Variants in CLIC5 observed in about 807,000 individuals in gnomAD.
CLIC5 encodes chloride intracellular channel protein 5.
CLIC5 carries 20 observed loss-of-function variants against 24.7 expected under a neutral mutation model. That is an observed-to-expected ratio of 0.81 (90% confidence interval 0.57 to 1.18). The LOEUF is 1.18. CLIC5 is among the 50% of genes most tolerant of loss of function. The pLI, the probability that CLIC5 is intolerant of heterozygous loss-of-function variation, is 0.00. For synonymous variants in CLIC5, 159 were observed against 135.6 expected (o/e 1.17, Z -1.20); for missense variants, 341 against 326.1 (o/e 1.05, Z -0.35).
At chr6:45,994,343 A>G (rs1766049762) in intron 1 of CLIC5, among the ~76,000 whole-genome samples, 1 of 152,220 alleles carries the variant, frequency 6.6e-6, no homozygotes, top group Non-Finnish European at 1.5e-5. Flanking sequence ...TTTTGCAGGG[A>G]CATGGATGAA....
chr6:45,955,129 C>T lies in CLIC5; in HGVS notation c.173+6G>A, dbSNP rs751653965. The T allele has an allele frequency of 2.3e-5, 37 of 1,598,760 alleles. No individual in the cohort carries two copies. Among genetic ancestry groups the T allele is most frequent in the Admixed American group, 3.3e-5 (2 of 59,838 alleles). ...ACATACTCCTCATTTATGCAACGTA[C>T]GTTACCTTTTCAGATCCACAGTGGT... On this transcript the variant is annotated splice_donor_region_variant and intron_variant, in intron 2 of 5. Coordinates refer to ENST00000339561, the MANE Select transcript of CLIC5 (RefSeq NM_016929.5).
intron 5 of CLIC5, among the ~76,000 whole-genome samples, chr6:45,903,735 T>C (rs1581712331): frequency 6.6e-6 from 1 of 152,344 alleles, no homozygotes; most frequent in African/African-American, 2.4e-5. Context: ...TCAAGTATAA[T>C]GCATTTGGAG....
chr6:46,099,565 A>G, the CLIC5 span, among the ~76,000 whole-genome samples: 1 of 152,146 alleles, frequency 6.6e-6, no homozygotes, highest in Non-Finnish European at 1.5e-5. Context: ...CCTGGTGGTG[A>G]GTTTGGGGAA....
downstream of CLIC5, among the ~76,000 whole-genome samples, chr6:45,896,217 A>G (rs369616500): frequency 1.1e-4 from 16 of 152,330 alleles, no homozygotes; most frequent in East Asian, 2.9e-3. Flanking sequence ...ATAGACGAAT[A>G]CCTGATGGCC....
intron 1 of CLIC5, among the ~76,000 whole-genome samples, chr6:45,976,088 A>G (rs1032182264): frequency 6.6e-6 from 1 of 152,204 alleles, no homozygotes; most frequent in Non-Finnish European, 1.5e-5. Context: ...AGTGACAGCA[A>G]GGGTCAAATG....
chr6:46,074,793 T>G (rs2127476581), intron 1 of CLIC5, among the ~76,000 whole-genome samples: 1 of 152,282 alleles, frequency 6.6e-6, no homozygotes, highest in South Asian at 2.1e-4. Flanking sequence ...TGACCAGGAG[T>G]TGGAGCCATA....
chr6:46,024,245 T>A (rs1274484487), intron 1 of CLIC5, among the ~76,000 whole-genome samples: 1 of 152,188 alleles, frequency 6.6e-6, no homozygotes, highest in Non-Finnish European at 1.5e-5. Context: ...CTTGGGGATC[T>A]ACCTTCCTCC....
chr6:45,894,912 G>A (rs898189170), downstream of CLIC5, among the ~76,000 whole-genome samples: 2 of 152,124 alleles, frequency 1.3e-5, no homozygotes, highest in Non-Finnish European at 1.5e-5. Context: ...AGTTGTTTTT[G>A]TCTGGTCCTA....
At chr6:46,051,814 T>C (rs1033156604) in intron 1 of CLIC5, among the ~76,000 whole-genome samples, 2 of 152,230 alleles carry the variant, frequency 1.3e-5, no homozygotes, top group African/African-American at 2.4e-5. Flanking sequence ...ATCACAGATA[T>C]GGAAATTGGG....
chr6:46,053,884 G>C (rs1768174452), intron 1 of CLIC5, among the ~76,000 whole-genome samples: 1 of 152,158 alleles, frequency 6.6e-6, no homozygotes, highest in African/African-American at 2.4e-5. Context: ...TACAACCTCT[G>C]AGAACTAGAT....
intron 4 of CLIC5, chr6:45,920,390 T>C (rs958944584): frequency 2.5e-5 from 17 of 671,644 alleles, no homozygotes; most frequent in Non-Finnish European, 3.1e-5. Context: ...TATCTAGATA[T>C]TGAGAAATAC....
the CLIC5 span, among the ~76,000 whole-genome samples, chr6:46,100,186 C>A: frequency 1.3e-5 from 2 of 152,158 alleles, no homozygotes; most frequent in African/African-American, 2.4e-5. Flanking sequence ...CGCCTTTGAC[C>A]TTTTACCTTG....
intron 3 of CLIC5, among the ~76,000 whole-genome samples, 195 bp downstream of exon 3, chr6:45,949,061 A>G (rs1471841773): frequency 6.6e-6 from 1 of 151,928 alleles, no homozygotes; most frequent in Non-Finnish European, 1.5e-5. Context: ...TCTACTCTTG[A>G]GTGGATTTTG....
intron 2 of CLIC5, among the ~76,000 whole-genome samples, chr6:45,950,549 G>C (rs567332249): frequency 1.3e-4 from 20 of 152,128 alleles, no homozygotes; most frequent in Non-Finnish European, 2.6e-4. Flanking sequence ...CCAGTCTGGG[G>C]GACAGAGTGA....
chr6:46,006,225 G>GC (rs1766577343), intron 1 of CLIC5, among the ~76,000 whole-genome samples: 1 of 147,652 alleles, frequency 6.8e-6, no homozygotes, highest in South Asian at 2.2e-4. Context: ...GCCCACTGCA[G>GC]CCTCCGCCTC....
chr6:46,031,834 C>T (rs984766495), intron 1 of CLIC5, among the ~76,000 whole-genome samples: 2 of 149,426 alleles, frequency 1.3e-5, no homozygotes, highest in African/African-American at 4.9e-5. Flanking sequence ...TGCATATAGT[C>T]ATTTCATCTT....
intron 4 of CLIC5, among the ~76,000 whole-genome samples, chr6:45,917,103 G>A (rs1238461462): frequency 6.6e-6 from 1 of 152,156 alleles, no homozygotes; most frequent in Non-Finnish European, 1.5e-5. Context: ...CAAGAATTCT[G>A]TATTGGTACT....
At chr6:46,083,802 A>C (rs1165366286), upstream of CLIC5, among the ~76,000 whole-genome samples, 1 of 151,874 alleles carries the variant, frequency 6.6e-6, no homozygotes, top group Non-Finnish European at 1.5e-5. Flanking sequence ...TGCTTGGTGC[A>C]GAGCTGAGTT....
At chr6:45,939,243 T>C (rs949020956) in intron 4 of CLIC5, among the ~76,000 whole-genome samples, 20 of 140,542 alleles carry the variant, frequency 1.4e-4, no homozygotes, top group Non-Finnish European at 4.6e-5. Flanking sequence ...TTTTTTTGAG[T>C]TGGAGTGTCG....
Sources: gnomAD v4.1 joint callset for allele counts (sites outside exome capture counted in the v4.1 genomes callset) on GRCh38, gnomAD v4.1.1 for gene constraint, MANE v1.5 for transcripts, NCBI Gene and HGNC (gene_info 2026-07-23, HGNC 2026-07-21) for gene names.